OR11G2: variants seen among roughly 807,000 people sequenced by gnomAD.
OR11G2 encodes the protein olfactory receptor 11G2.
A neutral mutation model predicts 0.9 loss-of-function variants in OR11G2; 2 were observed. That is an observed-to-expected ratio of 2.35 (90% confidence interval 0.96 to 7.38). OR11G2 has a LOEUF of 7.38. Ranked by LOEUF, OR11G2 falls within the 30% of genes most tolerant of loss-of-function variation. OR11G2 has a pLI of 0.05. For missense variants in OR11G2, 395 were observed against 371.3 expected (o/e 1.06, Z -0.52); for synonymous variants, 153 against 142.0 (o/e 1.08, Z -0.55).
intron 1 of OR11G2, among the ~76,000 whole-genome samples, chr14:20,196,262 CT>C (rs1879751154): frequency 6.6e-6 from 1 of 152,136 alleles, no homozygotes; most frequent in Non-Finnish European, 1.5e-5. Context: ...TCTCAATTGC[CT>C]TCAGCTGGAA....
chr14:20,194,993 C>T lies in OR11G2; in HGVS notation c.-4-2441C>T, dbSNP rs80095961. 4.3e-3 allele frequency among the ~76,000 whole-genome samples: 651 copies of T among 152,182 alleles called. 5 individuals carry two copies. Among genetic ancestry groups the T allele is most frequent in the African/African-American group, 0.015 (616 of 41,522 alleles). ...TATGCAGTCTCAGAAGTTTTCTGGG[C>T]CCCTAAACAAATGACTTTAAAAGTG... On this transcript the variant is annotated intron_variant, in intron 1 of 1. Coordinates refer to ENST00000641879, the MANE Select transcript of OR11G2 (RefSeq NM_001386033.1).
chr14:20,194,668 C>G (rs1417928910), intron 1 of OR11G2, among the ~76,000 whole-genome samples: 1 of 152,148 alleles, frequency 6.6e-6, no homozygotes, highest in Admixed American at 6.5e-5. Flanking sequence ...TGAATTAGTA[C>G]TAGTCATATA....
rs1326057985 is a variant in OR11G2 at position 20,197,810 on chromosome 14, G to T, written c.373G>T (p.Asp125Tyr). Reference protein sequence around the residue: ...ECFFLAVMAFDRYLAICRPLR... With the variant: ...ECFFLAVMAFYRYLAICRPLR... ...CTTTTTCCTGGCAGTTATGGCATTT[G>T]ATCGATACCTTGCCATCTGTCGGCC... Residue 125 changes from aspartate to tyrosine, a missense_variant, in exon 2 of 2, where the codon GAT becomes TAT. By Grantham distance (160) the Asp-to-Tyr change is radical. Coordinates refer to ENST00000641879, the MANE Select transcript of OR11G2 (RefSeq NM_001386033.1). The T allele has an allele frequency of 6.2e-7, 1 of 1,613,980 alleles. No homozygotes were observed. Among genetic ancestry groups the T allele is most frequent in the African/African-American group, 1.3e-5 (1 of 74,960 alleles).
intron 1 of OR11G2, among the ~76,000 whole-genome samples, chr14:20,192,516 G>A (rs1354947895): frequency 6.6e-6 from 1 of 152,178 alleles, no homozygotes; most frequent in Non-Finnish European, 1.5e-5. Context: ...GATGGGACAT[G>A]TTCTATCACC....
intron 1 of OR11G2, among the ~76,000 whole-genome samples, chr14:20,192,266 T>C (rs1879668747): frequency 6.6e-6 from 1 of 152,208 alleles, no homozygotes; most frequent in Admixed American, 6.5e-5. Context: ...TCATATCATG[T>C]ATACATGTGG....
chr14:20,198,032 A>G lies in OR11G2; in HGVS notation c.595A>G (p.Ile199Val). The G allele has an allele frequency of 6.2e-7, 1 of 1,614,022 alleles. No individual in the cohort carries two copies. Residue 199 changes from isoleucine to valine, a missense_variant, in exon 2 of 2, where the codon ATA (isoleucine) becomes GTA (valine). By Grantham distance (29) the Ile-to-Val change is conservative. Transcript: ENST00000641879. ...LTLTCKKGPV[I>V]ELVFSVLSPL... ...TCTCACTTGCAAAAAAGGCCCTGTG[A>G]TAGAGCTTGTCTTTTCTGTCTTAAG... is the stretch of plus-strand genomic sequence containing the variant.
intron 1 of OR11G2, among the ~76,000 whole-genome samples, chr14:20,196,158 G>A (rs928767493): frequency 6.6e-6 from 1 of 152,168 alleles, no homozygotes; most frequent in Non-Finnish European, 1.5e-5. Context: ...CGTCCTCCCT[G>A]GTAGAGAGGA....
rs1426839586 is a variant in OR11G2 at position 20,200,608 on chromosome 14, T to A, written c.*2235T>A. 6.6e-6 allele frequency: 1 copy of A among 152,224 alleles called. No homozygotes were observed. Among genetic ancestry groups the A allele is most frequent in the Non-Finnish European group, 1.5e-5 (1 of 68,034 alleles). The allele number at this position is 152,224 out of a possible 1,614,324, so 9.4% of individuals were successfully genotyped here. A position where few individuals can be genotyped will look rare whatever the true frequency, so the allele number is the denominator to read the frequency against. ...ATATAGGGTGACAAGGCAACCTCTA[T>A]CAAAATTTAGAAGACACATATCCTT... is the stretch of plus-strand genomic sequence containing the variant. On this transcript the variant is annotated 3_prime_UTR_variant, in exon 2 of 2. Coordinates refer to ENST00000641879, the MANE Select transcript of OR11G2 (RefSeq NM_001386033.1).
At position 20,198,043 on chromosome 14, in the gene OR11G2, C is replaced by G. The variant is rs2139114703; in HGVS notation, c.606C>G (p.Val202=). Residue 202 remains valine, a synonymous_variant, in exon 2 of 2, where the codon GTC becomes GTG. Transcript: ENST00000641879. ...AAAAAGGCCCTGTGATAGAGCTTGT[C>G]TTTTCTGTCTTAAGTCCTCTGCCTG... ...TCKKGPVIEL[V]FSVLSPLPVF... is the part of the protein sequence containing the mutation. 3 of 1,614,014 alleles carry G rather than the reference C, an allele frequency of 1.9e-6. No homozygotes were observed. Among genetic ancestry groups the G allele is most frequent in the Non-Finnish European group, 2.5e-6 (3 of 1,180,016 alleles).
At position 20,200,305 on chromosome 14, in the gene OR11G2, G is replaced by A. The variant is rs998503370; in HGVS notation, c.*1932G>A. ...ATAAGTTTGTTTCCTTAATATAAAC[G>A]AAGCTCTGTAAAATAGTAAGAGAAC... On this transcript the variant is annotated 3_prime_UTR_variant, in exon 2 of 2. Coordinates refer to ENST00000641879, the MANE Select transcript of OR11G2 (RefSeq NM_001386033.1). 20 of 151,860 alleles carry A rather than the reference G, an allele frequency of 1.3e-4. No individual in the cohort carries two copies. Among genetic ancestry groups the A allele is most frequent in the African/African-American group, 3.9e-4 (16 of 41,326 alleles). 9.4% of individuals were successfully genotyped at this position (151,860 alleles called of 1,614,324 possible). A position where few individuals can be genotyped will look rare whatever the true frequency, so the allele number is the denominator to read the frequency against.
Position 20,200,903 on chromosome 14 carries a change from T to C in OR11G2, c.*2530T>C, listed in dbSNP as rs1879889529. Reference sequence around the variant, plus strand: ...AAAAAGCAAAGTGAATAGCAGAGTGTATTGTAGCTGCCTTCCATGGAAATG... The same window carrying C: ...AAAAAGCAAAGTGAATAGCAGAGTGCATTGTAGCTGCCTTCCATGGAAATG... On this transcript the variant is annotated 3_prime_UTR_variant, in exon 2 of 2. Transcript: ENST00000641879. The C allele has an allele frequency of 6.6e-6, 1 of 152,196 alleles. No homozygotes were observed. Among genetic ancestry groups the C allele is most frequent in the Non-Finnish European group, 1.5e-5 (1 of 68,046 alleles). The allele number at this position is 152,196 out of a possible 1,614,324, so 9.4% of individuals were successfully genotyped here. A position where few individuals can be genotyped will look rare whatever the true frequency, so the allele number is the denominator to read the frequency against.
At position 20,198,448 on chromosome 14, in the gene OR11G2, G is replaced by A. The variant is rs922110001; in HGVS notation, c.*75G>A. ...GGGTTTAAAAAAAAAACTGGTCTTG[G>A]CCAGGCGCGGTGGCTTACGCCTGTA... is the stretch of plus-strand genomic sequence containing the variant. On this transcript the variant is annotated 3_prime_UTR_variant, in exon 2 of 2. Coordinates refer to ENST00000641879, the MANE Select transcript of OR11G2 (RefSeq NM_001386033.1). 2.6e-6 allele frequency: 3 copies of A among 1,134,266 alleles called. No homozygotes were observed. The African/African-American group carries it at 4.7e-5, about 18-fold the overall frequency. 70.3% of individuals were successfully genotyped at this position (1,134,266 alleles called of 1,614,324 possible).
Position 20,198,014 on chromosome 14 carries a change from T to C in OR11G2, c.577T>C (p.Cys193Arg), listed in dbSNP as rs1879809042. The change falls in exon 2 of 2, where the codon TGC becomes CGC. Residue 193 changes from cysteine to arginine, a missense_variant. By Grantham distance (180) the Cys-to-Arg change is radical (BLOSUM62 -3). Coordinates refer to ENST00000641879, the MANE Select transcript of OR11G2 (RefSeq NM_001386033.1). Reference sequence around the variant, plus strand: ...CCCAGCTCCTCTTCTAACTCTCACTTGCAAAAAAGGCCCTGTGATAGAGCT... The same window carrying C: ...CCCAGCTCCTCTTCTAACTCTCACTCGCAAAAAAGGCCCTGTGATAGAGCT... ...CDPAPLLTLT[C>R]KKGPVIELVF... 6.5e-7 allele frequency: 1 copy of C among 1,539,178 alleles called. No individual in the cohort carries two copies. Among genetic ancestry groups the C allele is most frequent in the African/African-American group, 1.8e-5 (1 of 57,136 alleles).
intron 1 of OR11G2, among the ~76,000 whole-genome samples, chr14:20,196,071 T>C (rs1382819884): frequency 6.6e-6 from 1 of 152,220 alleles, no homozygotes; most frequent in Non-Finnish European, 1.5e-5. Context: ...CTAAAGTTGG[T>C]AAAAATTGTT....
chr14:20,195,863 G>A (rs986793151), intron 1 of OR11G2, among the ~76,000 whole-genome samples: 2 of 152,066 alleles, frequency 1.3e-5, no homozygotes, highest in South Asian at 4.1e-4. Flanking sequence ...ATGAGCATAC[G>A]CATCATAAAT....
Position 20,197,568 on chromosome 14 carries a change from T to G in OR11G2, c.131T>G (p.Met44Arg), listed in dbSNP as rs779976178. 6.2e-7 allele frequency: 1 copy of G among 1,614,202 alleles called. No individual in the cohort carries two copies. The highest frequency in any genetic ancestry group is 8.5e-7 in the Non-Finnish European group (1 of 1,180,040). Residue 44 changes from methionine to arginine, a missense_variant, in exon 2 of 2, where the codon ATG becomes AGG. Coordinates refer to ENST00000641879, the MANE Select transcript of OR11G2 (RefSeq NM_001386033.1). The part of the protein sequence containing the change: ...LFTVVYLLTL[M>R]GNGSIICAVH... ...ACTGTTGTTTACCTCCTGACCCTCATGGGCAATGGTTCCATCATCTGTGCT... is the reference window on the plus strand; with the variant it reads ...ACTGTTGTTTACCTCCTGACCCTCAGGGGCAATGGTTCCATCATCTGTGCT...
At position 20,198,202 on chromosome 14, in the gene OR11G2, C is replaced by T. The variant is rs146491252; in HGVS notation, c.765C>T (p.Phe255=). 6.8e-6 allele frequency: 11 copies of T among 1,614,012 alleles called. No individual in the cohort carries two copies. The highest frequency in any genetic ancestry group is 6.7e-5 in the Admixed American group (4 of 60,006). Reference sequence around the variant, plus strand: ...CTCACCTGGCTGTGGTTTCACTGTTCTACGGCTCAGTACTGGTCATGTATG... The same window carrying T: ...CTCACCTGGCTGTGGTTTCACTGTTTTACGGCTCAGTACTGGTCATGTATG... ...CGSHLAVVSL[F]YGSVLVMYGS... Residue 255 remains phenylalanine (F), a synonymous_variant, in exon 2 of 2, where the codon TTC becomes TTT. Transcript: ENST00000641879.
chr14:20,194,231 G>A (rs1346645839), intron 1 of OR11G2, among the ~76,000 whole-genome samples: 2 of 152,158 alleles, frequency 1.3e-5, no homozygotes, highest in East Asian at 3.8e-4. Flanking sequence ...TCTTTAAGGA[G>A]TTACTCTGGC....
At chr14:20,193,483 T>C (rs938648372) in intron 1 of OR11G2, among the ~76,000 whole-genome samples, 1 of 152,218 alleles carries the variant, frequency 6.6e-6, no homozygotes, top group African/African-American at 2.4e-5. Context: ...CCTTGTTCTG[T>C]TTTCCCTATA....
Sources: gnomAD v4.1 joint callset for allele counts (sites outside exome capture counted in the v4.1 genomes callset) on GRCh38, gnomAD v4.1.1 for gene constraint, MANE v1.5 for transcripts, NCBI Gene and HGNC (gene_info 2026-07-23, HGNC 2026-07-21) for gene names.